Variants in TTLL5 observed in about 807,000 individuals in gnomAD.
The protein encoded by TTLL5 is tubulin tyrosine ligase like 5, also known as tubulin polyglutamylase TTLL5.
Under a neutral mutation model 168.4 loss-of-function variants are expected in TTLL5, and 132 were observed. That is an observed-to-expected ratio of 0.78 (90% CI 0.68 to 0.91). The LOEUF (loss-of-function observed/expected upper bound fraction) is 0.91. Among genes scored for constraint, TTLL5 ranks in the 40% least tolerant of loss-of-function variants. The pLI, the probability that TTLL5 is intolerant of heterozygous loss-of-function variation, is 0.00. For synonymous variants in TTLL5, 546 were observed against 558.6 expected (o/e 0.98, Z 0.32); for missense variants, 1,545 against 1,581.5 (o/e 0.98, Z 0.39).
intron 28 of TTLL5, among the ~76,000 whole-genome samples, chr14:75,836,647 C>G (rs932100264): frequency 1.3e-5 from 2 of 151,986 alleles, no homozygotes; most frequent in Non-Finnish European, 2.9e-5. Context: ...ATGCCTTTAT[C>G]AAAATATCTC....
intron 28 of TTLL5, among the ~76,000 whole-genome samples, chr14:75,823,740 A>G (rs1267704902): frequency 6.6e-6 from 1 of 152,154 alleles, no homozygotes; most frequent in Non-Finnish European, 1.5e-5. Flanking sequence ...TTGTGATAGG[A>G]CAAGACATTG....
chr14:75,851,742 G>A (rs186863190), intron 28 of TTLL5, among the ~76,000 whole-genome samples: 18 of 152,256 alleles, frequency 1.2e-4, no homozygotes, highest in African/African-American at 3.6e-4. Context: ...TGATTCTGGC[G>A]TCTTTTTTTT....
At chr14:75,910,938 C>T (rs1319502) in intron 31 of TTLL5, among the ~76,000 whole-genome samples, 126,684 of 152,184 alleles carry the variant, frequency 0.83, 52,817 homozygotes, top group Admixed American at 0.88. Flanking sequence ...CCAGTTTGCA[C>T]CATAGATGTC....
At chr14:75,843,857 A>ATTTTGTTTTGTTTTGTTTTG (rs1555350782) in intron 28 of TTLL5, among the ~76,000 whole-genome samples, 9 of 99,326 alleles carry the variant, frequency 9.1e-5, no homozygotes, top group African/African-American at 2.7e-4. Context: ...TATTTATTTT[A>ATTTTGTTTTGTTTTGTTTTG]TTTTGTTTTG....
intron 31 of TTLL5, among the ~76,000 whole-genome samples, chr14:75,936,602 G>A (rs1200771438): frequency 1.3e-5 from 2 of 152,186 alleles, no homozygotes; most frequent in South Asian, 2.1e-4. Flanking sequence ...CAGAGTGAGG[G>A]AAGCATCTCT....
At chr14:75,929,537 C>T (rs1292439456) in intron 31 of TTLL5, among the ~76,000 whole-genome samples, 1 of 150,390 alleles carries the variant, frequency 6.6e-6, no homozygotes, top group Non-Finnish European at 1.5e-5. Context: ...CTGCAACCTC[C>T]GCTTCCGGGT....
At chr14:75,833,014 C>G (rs1895666522) in intron 28 of TTLL5, among the ~76,000 whole-genome samples, 1 of 152,156 alleles carries the variant, frequency 6.6e-6, no homozygotes, top group African/African-American at 2.4e-5. Flanking sequence ...ACTGGTGGGC[C>G]AGTCTCCTCA....
At chr14:75,841,681 G>A (rs376401222) in intron 28 of TTLL5, among the ~76,000 whole-genome samples, 69 of 152,154 alleles carry the variant, frequency 4.5e-4, no homozygotes, top group African/African-American at 1.6e-3. Context: ...ATTGGGAAGG[G>A]ATCTACATAT....
chr14:75,871,823 A>G (rs1326173173), intron 29 of TTLL5, among the ~76,000 whole-genome samples: 1 of 152,222 alleles, frequency 6.6e-6, no homozygotes, highest in Non-Finnish European at 1.5e-5. Flanking sequence ...TGTATAAGAT[A>G]TGCACAGTAA....
Position 75,954,633 on chromosome 14 carries a change from A to G in TTLL5, c.*187A>G. 1.6e-6 allele frequency: 1 copy of G among 621,938 alleles called. No individual in the cohort carries two copies. Among genetic ancestry groups the G allele is most frequent in the South Asian group, 2.1e-5 (1 of 48,638 alleles). 38.5% of individuals were successfully genotyped at this position (621,938 alleles called of 1,614,324 possible). ...GCCAATGCAGACTTTCACTGGGACA[A>G]CAAGAAAGCAGATCTTCTGGGTTTT... On this transcript the variant is annotated 3_prime_UTR_variant, in exon 32 of 32. Transcript: ENST00000298832.
At chr14:75,802,634 T>C (rs1460806249) in intron 27 of TTLL5, among the ~76,000 whole-genome samples, 16 of 152,232 alleles carry the variant, frequency 1.1e-4, no homozygotes, top group Admixed American at 1.0e-3. Flanking sequence ...GCTAGGCTCT[T>C]AAGAGTCTTC....
At chr14:75,929,956 A>C (rs1595290443) in intron 31 of TTLL5, among the ~76,000 whole-genome samples, 1 of 152,184 alleles carries the variant, frequency 6.6e-6, no homozygotes, top group East Asian at 1.9e-4. Flanking sequence ...TATTTGGAAA[A>C]ATAAAAATAA....
At chr14:75,834,061 T>C (rs1413725978) in intron 28 of TTLL5, among the ~76,000 whole-genome samples, 1 of 152,206 alleles carries the variant, frequency 6.6e-6, no homozygotes, top group Non-Finnish European at 1.5e-5. Context: ...TCTCAATGGT[T>C]AGTCCAGTAG....
At chr14:75,884,833 G>A (rs1320162673) in intron 30 of TTLL5, among the ~76,000 whole-genome samples, 1 of 151,696 alleles carries the variant, frequency 6.6e-6, no homozygotes, top group Non-Finnish European at 1.5e-5. Flanking sequence ...CATCTGAACA[G>A]TGAAAAGTTC....
chr14:75,906,651 A>C (rs116867817), intron 31 of TTLL5: 20,984 of 985,900 alleles, frequency 0.021, 231 homozygotes, highest in Non-Finnish European at 0.023. Flanking sequence ...AGAAAATCAA[A>C]GTCGGTGAAG....
chr14:75,869,015 T>TGTGA (rs1330119532), intron 29 of TTLL5, among the ~76,000 whole-genome samples: 14 of 71,930 alleles, frequency 1.9e-4, no homozygotes, highest in African/African-American at 8.2e-4. Context: ...AGGGGAGGAG[T>TGTGA]GTGTGTGTGT....
In TTLL5 at chr14:75,688,791, TGAGAGTA is replaced by T. The variant is rs1885247143; in HGVS notation, c.372-1392_372-1386del. ...AAAGTGTTGAGTGATTATGTTGAATTGAGAGTAGAGAGTAGGAAAAACACTTTGGTTT... is the reference window on the plus strand; with the variant it reads ...AAAGTGTTGAGTGATTATGTTGAATTGAGAGTAGGAAAAACACTTTGGTTT... On this transcript the variant is annotated intron_variant, in intron 5 of 31. Coordinates refer to ENST00000298832, the MANE Select transcript of TTLL5 (RefSeq NM_015072.5). Among the ~76,000 whole-genome samples the T allele has an allele frequency of 2.0e-5, 3 of 152,330 alleles. 1 individual carries two copies. Among genetic ancestry groups the T allele is most frequent in the Admixed American group, 2.0e-4 (3 of 15,290 alleles).
chr14:75,786,042 G>A (rs993212745), intron 26 of TTLL5, among the ~76,000 whole-genome samples: 1 of 152,118 alleles, frequency 6.6e-6, no homozygotes, highest in African/African-American at 2.4e-5. Flanking sequence ...TAAATAGCCA[G>A]TCTATATTTC....
At chr14:75,672,757 C>G (rs150336759) in intron 3 of TTLL5, among the ~76,000 whole-genome samples, 1 of 151,984 alleles carries the variant, frequency 6.6e-6, no homozygotes, top group Non-Finnish European at 1.5e-5. Flanking sequence ...AGGTATTTGT[C>G]CATTTTATTT....
Sources: gnomAD v4.1 joint callset for allele counts (sites outside exome capture counted in the v4.1 genomes callset) on GRCh38, gnomAD v4.1.1 for gene constraint, MANE v1.5 for transcripts, NCBI Gene and HGNC (gene_info 2026-07-23, HGNC 2026-07-21) for gene names.